SRRT: variants seen among roughly 807,000 people sequenced by gnomAD.
The protein encoded by SRRT is serrate, RNA effector molecule.
Under a neutral mutation model 103.2 loss-of-function variants are expected in SRRT, and 32 were observed. That is an observed-to-expected ratio of 0.31 (90% CI 0.23 to 0.42). The LOEUF (loss-of-function observed/expected upper bound fraction) is 0.42. Among genes scored for constraint, SRRT ranks in the 10% least tolerant of loss-of-function variants. The pLI is 1.00. For synonymous variants in SRRT, 525 were observed against 449.0 expected (o/e 1.17, Z -2.14); for missense variants, 986 against 1,207.5 (o/e 0.82, Z 2.72).
intron 2 of SRRT, among the ~76,000 whole-genome samples, chr7:100,878,020 T>C (rs1005554499): frequency 6.6e-6 from 1 of 152,132 alleles, no homozygotes; most frequent in Non-Finnish European, 1.5e-5. Context: ...CCAGTGAAAA[T>C]TAAAATTTTG....
chr7:100,883,997 T>C, intron 5 of SRRT, 73 bp from the exon 6 acceptor site: 1 of 1,491,642 alleles, frequency 6.7e-7, no homozygotes, highest in Non-Finnish European at 9.0e-7. Context: ...CTGTCTTTCC[T>C]GGGCCCCTTC....
Position 100,882,334 on chromosome 7 carries a change from T to C in SRRT, c.587+93T>C. ...GCCCTGTCCTCTTCCCAGTTTTCCCTGTCCAGAACTTTCTGGGGGCGGGGG... is the reference window on the plus strand; with the variant it reads ...GCCCTGTCCTCTTCCCAGTTTTCCCCGTCCAGAACTTTCTGGGGGCGGGGG... On this transcript the variant is annotated intron_variant, in intron 5 of 19. Transcript: ENST00000611405. This position sits in a 1 kb window ranked among gnomAD's most constrained non-coding sequence, Gnocchi z 4.2. 4 of 1,416,282 alleles carry C rather than the reference T, an allele frequency of 2.8e-6. 1 individual carries two copies. Among genetic ancestry groups the C allele is most frequent in the Admixed American group, 2.3e-5 (1 of 43,032 alleles). The allele number at this position is 1,416,282 out of a possible 1,614,324, so 87.7% of individuals were successfully genotyped here.
At chr7:100,880,838 A>G (rs535685766) in intron 2 of SRRT, 5 of 304,730 alleles carry the variant, frequency 1.6e-5, no homozygotes, top group Non-Finnish European at 2.7e-5. Flanking sequence ...GGCTGGGAGA[A>G]GAGTTGGAGA....
Position 100,885,403 on chromosome 7 carries a change from T to C in SRRT, c.1317+33T>C. 1 of 1,597,286 alleles carries C rather than the reference T, an allele frequency of 6.3e-7. No individual in the cohort carries two copies. The highest frequency in any genetic ancestry group is 8.6e-7 in the Non-Finnish European group (1 of 1,168,944). On this transcript the variant is annotated intron_variant, in intron 10 of 19. Coordinates refer to ENST00000611405, the MANE Select transcript of SRRT (RefSeq NM_015908.6). The surrounding 1 kb of genome is among the most constrained non-coding windows in gnomAD (Gnocchi z 4.8). ...GGGACCCGTGGAGTCAGGGCAGGGC[T>C]GATGGAGAAGTGGAGGGTAGAGGGA...
At position 100,887,138 on chromosome 7, in the gene SRRT, A is replaced by T; in HGVS notation, c.1913A>T (p.Asn638Ile). 1 of 1,614,210 alleles carries T rather than the reference A, an allele frequency of 6.2e-7. No homozygotes were observed. The stretch of plus-strand genomic sequence containing the variant: ...TACCCCAACGAGGACGAGATGCCCA[A>T]TCGCTGTGGGATCATCCACGTTCGG... Reference protein sequence around the residue: ...CEYPNEDEMPNRCGIIHVRGP... With the variant: ...CEYPNEDEMPIRCGIIHVRGP... The change falls in exon 15 of 20, where the codon AAT (asparagine) becomes ATT (isoleucine). Residue 638 changes from asparagine (N) to isoleucine (I), a missense_variant. Coordinates refer to ENST00000611405, the MANE Select transcript of SRRT (RefSeq NM_015908.6). This position sits in a 1 kb window ranked among gnomAD's most constrained non-coding sequence, Gnocchi z 4.1.
chr7:100,887,821 C>G lies in SRRT; in HGVS notation c.2288C>G (p.Pro763Arg). 6.2e-7 allele frequency: 1 copy of G among 1,611,634 alleles called. No individual in the cohort carries two copies. Among genetic ancestry groups the G allele is most frequent in the South Asian group, 1.1e-5 (1 of 91,042 alleles). ...ACTGATGCTAAGCGCCCAGCTCTGC[C>G]TGAGATCAAGCCAGCCCAGCCACCT... is the stretch of plus-strand genomic sequence containing the variant. ...FLTDAKRPAL[P>R]EIKPAQPPGP... Residue 763 changes from proline (P) to arginine (R), a missense_variant, in exon 17 of 20, where the codon CCT (proline) becomes CGT (arginine). Physicochemically the swap from Pro to Arg is moderately radical, Grantham distance 103. Transcript: ENST00000611405. This position sits in a 1 kb window ranked among gnomAD's most constrained non-coding sequence, Gnocchi z 4.1.
At position 100,887,173 on chromosome 7, in the gene SRRT, C is replaced by T; in HGVS notation, c.1948C>T (p.Pro650Ser). ...CGIIHVRGPMPPNRISHGEVL... is the reference protein window; with the variant it reads ...CGIIHVRGPMSPNRISHGEVL... ...GATCATCCACGTTCGGGGGCCCATG[C>T]CACCCAACCGCATCAGTCACGGGGA... The change falls in exon 15 of 20, where the codon CCA becomes TCA. Residue 650 changes from proline to serine, a missense_variant. By Grantham distance (74) the Pro-to-Ser change is moderately conservative. Coordinates refer to ENST00000611405, the MANE Select transcript of SRRT (RefSeq NM_015908.6). This position sits in a 1 kb window ranked among gnomAD's most constrained non-coding sequence, Gnocchi z 4.1. 2 of 1,614,192 alleles carry T rather than the reference C, an allele frequency of 1.2e-6. No homozygotes were observed. Among genetic ancestry groups the T allele is most frequent in the Non-Finnish European group, 1.7e-6 (2 of 1,180,028 alleles).
Position 100,885,844 on chromosome 7 carries a change from C to G in SRRT, c.1380-19C>G, listed in dbSNP as rs1289029466. 1 of 1,614,000 alleles carries G rather than the reference C, an allele frequency of 6.2e-7. No individual in the cohort carries two copies. Among genetic ancestry groups the G allele is most frequent in the Non-Finnish European group, 8.5e-7 (1 of 1,180,002 alleles). On this transcript the variant is annotated intron_variant, in intron 11 of 19. Transcript: ENST00000611405. The surrounding 1 kb of genome is among the most constrained non-coding windows in gnomAD (Gnocchi z 4.8). The stretch of plus-strand genomic sequence containing the variant: ...CAACTCCCTCGCTTGACTATGCTAA[C>G]ATTTTCTTTCTTGTGTAGGTTTTTC...
In SRRT at chr7:100,888,250, G is replaced by C. The variant is rs1457839529; in HGVS notation, c.2429-7G>C. The C allele has an allele frequency of 6.2e-7, 1 of 1,606,490 alleles. No homozygotes were observed. Among genetic ancestry groups the C allele is most frequent in the Non-Finnish European group, 8.5e-7 (1 of 1,174,672 alleles). Reference sequence around the variant, plus strand: ...GTTTTGCAACTCAACACTGATCTCTGTCATAGCTGGTGCTGTCCGCCCTGC... The same window carrying C: ...GTTTTGCAACTCAACACTGATCTCTCTCATAGCTGGTGCTGTCCGCCCTGC... On this transcript the variant is annotated splice_polypyrimidine_tract_variant and splice_region_variant and intron_variant, in intron 18 of 19. Transcript: ENST00000611405.
At chr7:100,886,127 T>A in intron 12 of SRRT, 120 bp from the exon 13 acceptor site, 1 of 1,306,088 alleles carries the variant, frequency 7.7e-7, no homozygotes, top group East Asian at 2.4e-5. Flanking sequence ...GTGGTCCCCG[T>A]CCCCAGGGAG....
In SRRT at chr7:100,887,909, A is replaced by G; in HGVS notation, c.2326+50A>G. 4 of 1,572,196 alleles carry G rather than the reference A, an allele frequency of 2.5e-6. No individual in the cohort carries two copies. Among genetic ancestry groups the G allele is most frequent in the Non-Finnish European group, 3.5e-6 (4 of 1,154,410 alleles). On this transcript the variant is annotated intron_variant, in intron 17 of 19. Transcript: ENST00000611405. This position sits in a 1 kb window ranked among gnomAD's most constrained non-coding sequence, Gnocchi z 4.1. The stretch of plus-strand genomic sequence containing the variant: ...CATGTGCCCTCTTCCTTGACTACCC[A>G]GGGACTCCTGTTTCTCTTTAACGTG...
At position 100,885,388 on chromosome 7, in the gene SRRT, G is replaced by A. The variant is rs1237322944; in HGVS notation, c.1317+18G>A. On this transcript the variant is annotated intron_variant, in intron 10 of 19. Transcript: ENST00000611405. This position sits in a 1 kb window ranked among gnomAD's most constrained non-coding sequence, Gnocchi z 4.8. ...TCATCTCCGTGAGTGGGGACCCGTG[G>A]AGTCAGGGCAGGGCTGATGGAGAAG... 19 of 1,609,524 alleles carry A rather than the reference G, an allele frequency of 1.2e-5. No individual in the cohort carries two copies. Among genetic ancestry groups the A allele is most frequent in the Non-Finnish European group, 1.6e-5 (19 of 1,176,820 alleles).
chr7:100,879,428 A>G (rs901127981), intron 2 of SRRT, among the ~76,000 whole-genome samples: 4 of 152,178 alleles, frequency 2.6e-5, no homozygotes, highest in Admixed American at 2.0e-4. Context: ...GCAGAACAAA[A>G]TATCTCAACA....
intron 13 of SRRT, 38 bp downstream of exon 13, chr7:100,886,473 G>A (rs1381953400): frequency 6.4e-7 from 1 of 1,572,468 alleles, no homozygotes; most frequent in South Asian, 1.2e-5. Flanking sequence ...AGAAGCAACT[G>A]GTAGTGCCTC....
intron 5 of SRRT, among the ~76,000 whole-genome samples, chr7:100,883,865 A>C (rs188362137): frequency 6.6e-6 from 1 of 152,084 alleles, no homozygotes; most frequent in Admixed American, 6.6e-5. Context: ...TTCTCCCCCA[A>C]ATCTTCACAG....
chr7:100,881,843 T>C, intron 4 of SRRT, 38 bp downstream of exon 4: 1 of 1,558,622 alleles, frequency 6.4e-7, no homozygotes, highest in Non-Finnish European at 8.6e-7. Flanking sequence ...TTGGTAGGCC[T>C]GGGGGATGGA....
rs757184510 is a variant in SRRT, at chr7:100,884,908, C to T, written c.1042-15C>T. 25 of 1,613,826 alleles carry T rather than the reference C, an allele frequency of 1.5e-5. 1 individual carries two copies. The Admixed American group carries it at 3.7e-4, about 24-fold the overall frequency. On this transcript the variant is annotated splice_polypyrimidine_tract_variant and intron_variant, in intron 8 of 19. Transcript: ENST00000611405. The stretch of plus-strand genomic sequence containing the variant: ...CTGGCACGCTGACTTGTCCCCTCTG[C>T]TGTGGCTCACACAGAGTAGCAAGAA...
rs1815562441 is a variant in SRRT, at chr7:100,875,331, G to A, written c.-19+3G>A. The A allele has an allele frequency of 1.6e-6, 2 of 1,212,258 alleles. No homozygotes were observed. The highest frequency in any genetic ancestry group is 2.1e-6 in the Non-Finnish European group (2 of 949,756). 75.1% of individuals were successfully genotyped at this position (1,212,258 alleles called of 1,614,324 possible). A position where few individuals can be genotyped will look rare whatever the true frequency, so the allele number is the denominator to read the frequency against. ...CCAACGGCCGCGGCCGCACCAAGGT[G>A]GGGGAGGGGAGGAGCCTGGGGGGCC... On this transcript the variant is annotated splice_donor_region_variant and intron_variant, in intron 1 of 19. Transcript: ENST00000611405.
intron 2 of SRRT, chr7:100,880,619 C>A: frequency 2.8e-6 from 1 of 354,714 alleles, no homozygotes; most frequent in South Asian, 2.0e-5. Flanking sequence ...AGGCTTGATT[C>A]TGACAGGCTG....
Sources: allele counts gnomAD v4.1 joint callset (sites outside exome capture counted in the v4.1 genomes callset), GRCh38; gene constraint gnomAD v4.1.1; non-coding constraint Gnocchi (gnomAD v3.1); transcripts MANE v1.5; gene names NCBI Gene and HGNC (gene_info 2026-07-23, HGNC 2026-07-21).